ENTPD1: variants seen among roughly 807,000 people sequenced by gnomAD.
ENTPD1 encodes the protein ectonucleoside triphosphate diphosphohydrolase 1, also known as ATP diphosphohydrolase.
Under a neutral mutation model 57.0 loss-of-function variants are expected in ENTPD1, and 33 were observed. The ratio of observed to expected loss-of-function variants is 0.58; its 90% CI spans 0.44 to 0.77. The LOEUF is 0.77. Ranked by LOEUF, ENTPD1 falls within the 30% of genes least tolerant of loss-of-function variation. The pLI is 0.00. For synonymous variants in ENTPD1, 202 were observed against 218.8 expected, an observed-to-expected ratio of 0.92 and a Z score of 0.68; for missense variants, 501 against 603.4, an observed-to-expected ratio of 0.83 and a Z score of 1.78.
Position 95,868,702 on chromosome 10 carries a change from C to G in ENTPD1, c.*2319C>G, listed in dbSNP as rs1035128001. Reference sequence around the variant, plus strand: ...ACATGGCAGAGCAGATACTCCAACTCATGTCTTCTGGTTGAAGCCTATTGC... The same window carrying G: ...ACATGGCAGAGCAGATACTCCAACTGATGTCTTCTGGTTGAAGCCTATTGC... On this transcript the variant is annotated 3_prime_UTR_variant, in exon 10 of 10. Coordinates refer to ENST00000371205, the MANE Select transcript of ENTPD1 (RefSeq NM_001776.6). 1.0e-6 allele frequency: 1 copy of G among 982,474 alleles called. No homozygotes were observed. 60.9% of individuals were successfully genotyped at this position (982,474 alleles called of 1,614,324 possible).
chr10:95,831,069 C>T (rs2901873), intron 2 of ENTPD1, among the ~76,000 whole-genome samples: 35,401 of 152,040 alleles, frequency 0.23, 4,891 homozygotes, highest in African/African-American at 0.38. Context: ...ATGTGAAAGA[C>T]ACTTGGGTTG....
chr10:95,714,919 C>A (rs2097969810), intron 1 of ENTPD1, among the ~76,000 whole-genome samples: 1 of 152,110 alleles, frequency 6.6e-6, no homozygotes, highest in Admixed American at 6.5e-5. Flanking sequence ...ATTCTGGATA[C>A]TATCTTACTG....
At chr10:95,856,661 T>TAC (rs1041287611) in intron 7 of ENTPD1, among the ~76,000 whole-genome samples, 2 of 147,536 alleles carry the variant, frequency 1.4e-5, no homozygotes, top group Non-Finnish European at 3.0e-5. Context: ...CATATATATA[T>TAC]ATATATATAT....
intron 1 of ENTPD1, among the ~76,000 whole-genome samples, chr10:95,790,473 A>T (rs1288455720): frequency 2.0e-5 from 3 of 152,318 alleles, no homozygotes; most frequent in African/African-American, 7.2e-5. Context: ...GGGCTAACTG[A>T]AGTTTATTTC....
At chr10:95,752,202 G>A (rs918832555), upstream of ENTPD1, among the ~76,000 whole-genome samples, 14 of 152,180 alleles carry the variant, frequency 9.2e-5, no homozygotes, top group African/African-American at 3.1e-4. Context: ...ATGGTGCGGT[G>A]AGAAACGGGA....
At chr10:95,770,481 CT>C (rs2098112324) in intron 1 of ENTPD1, among the ~76,000 whole-genome samples, 1 of 152,062 alleles carries the variant, frequency 6.6e-6, no homozygotes, top group African/African-American at 2.4e-5. Flanking sequence ...TAGAGGAAGT[CT>C]TTTAGGGATG....
At chr10:95,727,188 G>A (rs1406139370) in intron 1 of ENTPD1, among the ~76,000 whole-genome samples, 1 of 152,172 alleles carries the variant, frequency 6.6e-6, no homozygotes, top group African/African-American at 2.4e-5. Flanking sequence ...TTGAGTCATA[G>A]TTTTGGTACA....
In ENTPD1 at chr10:95,872,551, C is replaced by T; in HGVS notation, c.*6168C>T. ...GTCAGAATGTCTCTTCCTTGTGCTA[C>T]CACAACCCTTTAACTGAGCCTCCAT... On this transcript the variant is annotated 3_prime_UTR_variant, in exon 10 of 10. Transcript: ENST00000371205. 2 of 985,188 alleles carry T rather than the reference C, an allele frequency of 2.0e-6. No homozygotes were observed. The highest frequency in any genetic ancestry group is 3.5e-5 in the African/African-American group (2 of 57,322). 61.0% of individuals were successfully genotyped at this position (985,188 alleles called of 1,614,324 possible). A position where few individuals can be genotyped will look rare whatever the true frequency, so the allele number is the denominator to read the frequency against.
At chr10:95,833,946 A>G (rs1566211796) in intron 2 of ENTPD1, among the ~76,000 whole-genome samples, 3 of 152,216 alleles carry the variant, frequency 2.0e-5, no homozygotes. Context: ...ACCTCCCACT[A>G]GGGCTCACCT....
intron 1 of ENTPD1, among the ~76,000 whole-genome samples, chr10:95,714,220 A>G (rs2097968952): frequency 6.6e-6 from 1 of 152,156 alleles, no homozygotes; most frequent in African/African-American, 2.4e-5. Context: ...CTGAGGTGGG[A>G]GAATCCCTTG....
chr10:95,820,164 C>G (rs752646944), intron 1 of ENTPD1, among the ~76,000 whole-genome samples: 6 of 152,194 alleles, frequency 3.9e-5, no homozygotes, highest in Non-Finnish European at 1.5e-5. Context: ...GTGATCAGGG[C>G]TTTTGAAAAC....
intron 1 of ENTPD1, among the ~76,000 whole-genome samples, chr10:95,779,289 T>C (rs2098146918): frequency 6.6e-6 from 1 of 152,182 alleles, no homozygotes; most frequent in Non-Finnish European, 1.5e-5. Flanking sequence ...TCATGATTCC[T>C]CCACATCTGC....
chr10:95,746,644 G>A (rs1409936292), intron 1 of ENTPD1, among the ~76,000 whole-genome samples: 4 of 152,128 alleles, frequency 2.6e-5, no homozygotes, highest in East Asian at 3.8e-4. Flanking sequence ...AAGAAGGGAC[G>A]GGGCATTTTT....
At chr10:95,755,867 A>G (rs995874241), upstream of ENTPD1, 4 of 1,518,760 alleles carry the variant, frequency 2.6e-6, no homozygotes, top group Admixed American at 2.0e-5. Flanking sequence ...AGGGATTTCT[A>G]TAACGAAGAG....
At chr10:95,755,543 TCAA>T, upstream of ENTPD1, 1 of 652,574 alleles carries the variant, frequency 1.5e-6, no homozygotes, top group South Asian at 2.0e-5. Flanking sequence ...ATGACTTTCA[TCAA>T]TTCATAGCCA....
intron 1 of ENTPD1, among the ~76,000 whole-genome samples, chr10:95,731,191 G>A (rs2097988681): frequency 6.6e-6 from 1 of 152,226 alleles, no homozygotes; most frequent in Non-Finnish European, 1.5e-5. Context: ...CTAGTGTGCT[G>A]GATATTCTGT....
intron 2 of ENTPD1, among the ~76,000 whole-genome samples, chr10:95,837,083 G>A (rs1346536421): frequency 6.6e-6 from 1 of 152,196 alleles, no homozygotes; most frequent in East Asian, 1.9e-4. Flanking sequence ...CAAATGAAAC[G>A]TAGTAAAAGT....
intron 7 of ENTPD1, among the ~76,000 whole-genome samples, chr10:95,858,342 G>A (rs975518417): frequency 6.6e-6 from 1 of 152,078 alleles, no homozygotes; most frequent in African/African-American, 2.4e-5. Context: ...CAGGGTGCTG[G>A]GTATGGTGGG....
At chr10:95,737,933 G>C (rs540310975) in intron 1 of ENTPD1, among the ~76,000 whole-genome samples, 1 of 152,226 alleles carries the variant, frequency 6.6e-6, no homozygotes, top group Admixed American at 6.5e-5. Flanking sequence ...ACTTGTAAAC[G>C]TATCATGCTG....
Sources: allele counts gnomAD v4.1 joint callset (sites outside exome capture counted in the v4.1 genomes callset), GRCh38; gene constraint gnomAD v4.1.1; transcripts MANE v1.5; gene names NCBI Gene and HGNC (gene_info 2026-07-23, HGNC 2026-07-21).